DUSP18: variants seen among roughly 807,000 people sequenced by gnomAD.
The protein encoded by DUSP18 is dual specificity protein phosphatase 18.
Under a neutral mutation model 6.3 loss-of-function variants are expected in DUSP18, and 4 were observed. The observed-to-expected ratio is 0.63, with a 90% CI of 0.31 to 1.45. DUSP18 has a LOEUF of 1.45. DUSP18 is among the 40% of genes most tolerant of loss of function. DUSP18 has a pLI of 0.07. For synonymous variants in DUSP18, 96 were observed against 95.1 expected, an observed-to-expected ratio of 1.01 and a Z score of -0.05; for missense variants, 235 against 247.7, an observed-to-expected ratio of 0.95 and a Z score of 0.34.
At position 30,663,942 on chromosome 22, in the gene DUSP18, G is replaced by A. The variant is rs745547281; in HGVS notation, c.62C>T (p.Ser21Leu). The change falls in exon 2 of 2, where the codon TCG becomes TTG. Residue 21 changes from serine (S) to leucine (L), a missense_variant. Transcript: ENST00000334679. Reference protein sequence around the residue: ...QFRQPSVSGLSQITKSLYISN... With the variant: ...QFRQPSVSGLLQITKSLYISN... The stretch of plus-strand genomic sequence containing the variant: ...GATATACAGGCTTTTGGTTATCTGC[G>A]AGAGGCCGCTGACTGAGGGCTGCCG... 4.3e-6 allele frequency: 7 copies of A among 1,614,066 alleles called. No individual in the cohort carries two copies. The highest frequency in any genetic ancestry group is 3.3e-5 in the Admixed American group (2 of 60,010).
chr22:30,661,001 G>A (rs1267738651), downstream of DUSP18, among the ~76,000 whole-genome samples: 1 of 151,992 alleles, frequency 6.6e-6, no homozygotes, highest in Non-Finnish European at 1.5e-5. Flanking sequence ...TTGCCACTAC[G>A]CCCTGCTTTC....
At chr22:30,655,464 A>C (rs5994330) in intron 2 of DUSP18, among the ~76,000 whole-genome samples, 4,112 of 148,396 alleles carry the variant, frequency 0.028, 82 homozygotes, top group African/African-American at 0.04. Context: ...AGAAAAAAAG[A>C]AGCCACTAGC....
intron 2 of DUSP18, among the ~76,000 whole-genome samples, chr22:30,655,294 G>GAA (rs35848603): frequency 1.5e-4 from 20 of 133,042 alleles, no homozygotes; most frequent in East Asian, 4.5e-4. Flanking sequence ...TGTCTCTACG[G>GAA]AAAAAAAAAA....
At chr22:30,653,616 G>GCC (rs146345605) in intron 2 of DUSP18, among the ~76,000 whole-genome samples, 204 of 151,544 alleles carry the variant, frequency 1.3e-3, no homozygotes, top group African/African-American at 4.4e-3. Flanking sequence ...CAAGTGACCC[G>GCC]CCCCCCCTCG....
intron 2 of DUSP18, among the ~76,000 whole-genome samples, chr22:30,653,625 C>T (rs1392970225): frequency 1.3e-5 from 2 of 151,526 alleles, no homozygotes; most frequent in African/African-American, 2.4e-5. Context: ...CGCCCCCCCT[C>T]GGCCTCCCAA....
chr22:30,658,501 G>A (rs2088393090), downstream of DUSP18, among the ~76,000 whole-genome samples: 1 of 151,846 alleles, frequency 6.6e-6, no homozygotes, highest in South Asian at 2.1e-4. Context: ...AAAAGTAGAA[G>A]AGGGGAATCT....
chr22:30,666,566 G>C (rs2088672689), intron 1 of DUSP18, among the ~76,000 whole-genome samples: 1 of 132,530 alleles, frequency 7.5e-6, no homozygotes, highest in Non-Finnish European at 1.5e-5. Flanking sequence ...AGGCTGCAGT[G>C]AGCCAAGATC....
chr22:30,667,844 A>T lies in DUSP18; in HGVS notation c.-460T>A, dbSNP rs1386451260. ...CGCACCAGGGCTGCAGCCGAGAGAC[A>T]GTCTCACCGCTTCCGTAGCCGCCCG... On this transcript the variant is annotated 5_prime_UTR_variant, in exon 1 of 2. Transcript: ENST00000334679. 6.6e-6 allele frequency: 1 copy of T among 152,470 alleles called. No individual in the cohort carries two copies. Among genetic ancestry groups the T allele is most frequent in the African/African-American group, 2.4e-5 (1 of 41,448 alleles). The allele number at this position is 152,470 out of a possible 1,614,324, so 9.4% of individuals were successfully genotyped here.
chr22:30,654,470 T>C (rs1193275130), intron 2 of DUSP18: 5 of 435,542 alleles, frequency 1.1e-5, no homozygotes, highest in Admixed American at 7.4e-5. Context: ...ACCTGCTTTT[T>C]CGTCATAGGG....
downstream of DUSP18, among the ~76,000 whole-genome samples, chr22:30,658,932 C>T (rs2088401058): frequency 6.6e-6 from 1 of 151,966 alleles, no homozygotes; most frequent in African/African-American, 2.4e-5. Context: ...ATCACGAGAT[C>T]AGGAGATCGA....
At position 30,662,517 on chromosome 22, in the gene DUSP18, T is replaced by C. The variant is rs1372358170; in HGVS notation, c.*920A>G. ...CTCTTTGAAACTTTGCCATGTACAA[T>C]AGCACTCACAATTTTTTTTAAATTT... On this transcript the variant is annotated 3_prime_UTR_variant, in exon 2 of 2. Transcript: ENST00000334679. 1.3e-5 allele frequency: 2 copies of C among 152,154 alleles called. No individual in the cohort carries two copies. Among genetic ancestry groups the C allele is most frequent in the African/African-American group, 4.8e-5 (2 of 41,416 alleles). The allele number at this position is 152,154 out of a possible 1,614,324, so 9.4% of individuals were successfully genotyped here.
chr22:30,654,658 G>A (rs1602089617), intron 2 of DUSP18: 1 of 443,764 alleles, frequency 2.3e-6, no homozygotes, highest in East Asian at 6.2e-5. Flanking sequence ...GTGGAGGAAG[G>A]CCAGGTACTT....
Position 30,663,949 on chromosome 22 carries a change from C to T in DUSP18, c.55G>A (p.Gly19Ser), listed in dbSNP as rs768855710. The change falls in exon 2 of 2, where the codon GGC becomes AGC. Residue 19 changes from glycine to serine, a missense_variant. Transcript: ENST00000334679. The part of the protein sequence containing the change: ...PVQFRQPSVS[G>S]LSQITKSLYI... ...AGGCTTTTGGTTATCTGCGAGAGGC[C>T]GCTGACTGAGGGCTGCCGGAACTGA... 2.6e-5 allele frequency: 42 copies of T among 1,614,042 alleles called. No homozygotes were observed. The East Asian group carries it at 8.0e-4, about 31-fold the overall frequency.
chr22:30,666,226 G>A (rs1203356582), intron 1 of DUSP18, among the ~76,000 whole-genome samples: 1 of 152,192 alleles, frequency 6.6e-6, no homozygotes, highest in Non-Finnish European at 1.5e-5. Flanking sequence ...CGGGAATAGA[G>A]GAATGTGCTG....
rs763675885 is a variant in DUSP18, at chr22:30,663,733, GGA to G, written c.269_270del (p.Ile90ThrfsTer65). ...CGGCCCTGCTTCATCTCCACGCTGT[GGA>G]TATGGTCAGCAATAGGGTCAAAGAA... Reference protein sequence around the residue: ...CDFFDPIADHIHSVEMKQGRT... With the variant: ...CDFFDPIADHXHSVEMKQGRT... On this transcript the variant is annotated frameshift_variant, in exon 2 of 2. Coordinates refer to ENST00000334679, the MANE Select transcript of DUSP18 (RefSeq NM_152511.5). LOFTEE classifies it high-confidence loss of function. 87 of 1,614,098 alleles carry G rather than the reference GGA, an allele frequency of 5.4e-5. 1 individual carries two copies. The South Asian group carries it at 9.1e-4, about 17-fold the overall frequency.
rs1225711664 is a variant in DUSP18 at position 30,662,621 on chromosome 22, G to GT, written c.*815dup. The stretch of plus-strand genomic sequence containing the variant: ...GCGTGAGGATTGCTTGAGGCCAGGA[G>GT]TTTGAGACCAGTCTGGGCGACATAG... On this transcript the variant is annotated 3_prime_UTR_variant, in exon 2 of 2. Transcript: ENST00000334679. 1 of 152,096 alleles carries GT rather than the reference G, an allele frequency of 6.6e-6. No individual in the cohort carries two copies. The highest frequency in any genetic ancestry group is 2.4e-5 in the African/African-American group (1 of 41,396). The allele number at this position is 152,096 out of a possible 1,614,324, so 9.4% of individuals were successfully genotyped here. A position where few individuals can be genotyped will look rare whatever the true frequency, so the allele number is the denominator to read the frequency against.
intron 2 of DUSP18, among the ~76,000 whole-genome samples, chr22:30,653,522 C>G (rs1474176522): frequency 6.6e-6 from 1 of 152,092 alleles, no homozygotes; most frequent in Non-Finnish European, 1.5e-5. Flanking sequence ...CAGGTGCACA[C>G]TACCATGCCC....
At chr22:30,656,060 C>G (rs2088333043) in intron 2 of DUSP18, among the ~76,000 whole-genome samples, 3 of 151,954 alleles carry the variant, frequency 2.0e-5, no homozygotes, top group Admixed American at 1.3e-4. Flanking sequence ...GCAGCCTCAA[C>G]CTCCTTGGGC....
At chr22:30,665,575 G>C in intron 1 of DUSP18, 1 of 470,432 alleles carries the variant, frequency 2.1e-6, no homozygotes, top group Non-Finnish European at 4.4e-6. Flanking sequence ...TGTTTTAAGG[G>C]AAATCTCCTT....
Sources: gnomAD v4.1 joint callset for allele counts (sites outside exome capture counted in the v4.1 genomes callset) on GRCh38, gnomAD v4.1.1 for gene constraint, MANE v1.5 for transcripts, NCBI Gene and HGNC (gene_info 2026-07-23, HGNC 2026-07-21) for gene names.